Variants in TKTL1 observed in about 807,000 individuals in gnomAD.
The protein encoded by TKTL1 is transketolase like 1, also known as transketolase-like protein 1.
TKTL1 carries 1 observed loss-of-function variant against 39.3 expected under a neutral mutation model. The ratio of observed to expected loss-of-function variants is 0.03; its 90% confidence interval spans 0.01 to 0.12. The LOEUF (loss-of-function observed/expected upper bound fraction) is 0.12. Among genes scored for constraint, TKTL1 ranks in the 10% least tolerant of loss-of-function variants. TKTL1 has a pLI of 1.00. For synonymous variants in TKTL1, 262 were observed against 193.8 expected (o/e 1.35, Z -2.92); for missense variants, 575 against 509.6 (o/e 1.13, Z -1.24).
Position 154,329,778 on chromosome X carries a change from G to C in TKTL1, c.*90G>C. On this transcript the variant is annotated 3_prime_UTR_variant, in exon 13 of 13. Coordinates refer to ENST00000369915, the MANE Select transcript of TKTL1 (RefSeq NM_012253.4). ...ATTTAAATCTCTACTGTCACATTTT[G>C]TTTCTTAAAAGCAAAGCCAGCTAAC... is the stretch of plus-strand genomic sequence containing the variant. 1 of 1,067,061 alleles carries C rather than the reference G, an allele frequency of 9.4e-7. No individual in the cohort carries two copies. Among genetic ancestry groups the C allele is most frequent in the South Asian group, 2.2e-5 (1 of 45,333 alleles). 87.9% of individuals were successfully genotyped at this position (1,067,061 alleles called of 1,213,427 possible).
At chrX:154,316,933 C>A (rs953940427) in intron 7 of TKTL1, among the ~76,000 whole-genome samples, 7 of 110,012 alleles carry the variant, frequency 6.4e-5, no homozygotes, top group Non-Finnish European at 1.1e-4. Context: ...CCATGCCTGG[C>A]TAATTTTTGT....
intron 3 of TKTL1, 42 bp from the exon 4 acceptor site, chrX:154,310,794 T>C (rs1557168153): frequency 8.8e-7 from 1 of 1,132,212 alleles, no homozygotes; most frequent in Non-Finnish European, 1.2e-6. Context: ...TTGGCCCAGA[T>C]GATCCCCCAC....
chrX:154,309,425 G>A lies in TKTL1; in HGVS notation c.333G>A (p.Lys111=), dbSNP rs781963244. 1.7e-6 allele frequency: 2 copies of A among 1,207,795 alleles called. No homozygotes were observed. Among genetic ancestry groups the A allele is most frequent in the Admixed American group, 2.2e-5 (1 of 45,648 alleles). ...GVACGMAYTG[K]YFDRASYRVF... is the part of the protein sequence containing the mutation. ...CATGTGGAATGGCATATACTGGCAA[G>A]TACTTCGACAGGGCCAGGTGAGGTT... The change falls in exon 3 of 13, where the codon AAG becomes AAA. Residue 111 remains lysine (K), a synonymous_variant. Coordinates refer to ENST00000369915, the MANE Select transcript of TKTL1 (RefSeq NM_012253.4).
At chrX:154,304,439 T>C (rs1211385054) in intron 1 of TKTL1, among the ~76,000 whole-genome samples, 14 of 110,178 alleles carry the variant, frequency 1.3e-4, no homozygotes, top group African/African-American at 3.7e-4. Flanking sequence ...TTTGAAGCTT[T>C]TTTTTTATCA....
At chrX:154,307,296 A>G (rs189490725) in intron 2 of TKTL1, among the ~76,000 whole-genome samples, 79 of 111,919 alleles carry the variant, frequency 7.1e-4, no homozygotes, top group African/African-American at 2.3e-3. Flanking sequence ...GAGGCTTTCT[A>G]TCGGGCAGCA....
Position 154,320,904 on chromosome X carries a change from G to C in TKTL1, c.1177G>C (p.Val393Leu), listed in dbSNP as rs372054381. 8.3e-7 allele frequency: 1 copy of C among 1,211,252 alleles called. No homozygotes were observed. The highest frequency in any genetic ancestry group is 1.1e-6 in the Non-Finnish European group (1 of 895,016). ...CAACATTATTGGTTCCCACTGTGGGGTATCTGTTGGTAAGGGTTCTAAATG... is the reference window on the plus strand; with the variant it reads ...CAACATTATTGGTTCCCACTGTGGGCTATCTGTTGGTAAGGGTTCTAAATG... ...NINIIGSHCG[V>L]SVGDDGASQM... Residue 393 changes from valine (V) to leucine (L), a missense_variant, in exon 8 of 13, where the codon GTA becomes CTA. By Grantham distance (32) the Val-to-Leu change is conservative. Transcript: ENST00000369915.
chrX:154,320,761 G>C lies in TKTL1; in HGVS notation c.1034G>C (p.Ser345Thr). Residue 345 changes from serine to threonine, a missense_variant, in exon 8 of 13, where the codon AGC becomes ACC. Transcript: ENST00000369915. ...ECFMAEQNMV[S>T]VALGCASRGR... The stretch of plus-strand genomic sequence containing the variant: ...TTCATGTTCTCTGTGCTGCAGGTGA[G>C]CGTGGCTCTGGGCTGTGCCTCCCGT... 2.5e-6 allele frequency: 3 copies of C among 1,211,508 alleles called. No individual in the cohort carries two copies. The highest frequency in any genetic ancestry group is 1.8e-5 in the South Asian group (1 of 57,005).
intron 1 of TKTL1, 122 bp from the exon 2 acceptor site, chrX:154,305,182 C>T: frequency 8.5e-7 from 1 of 1,178,485 alleles, no homozygotes; most frequent in Non-Finnish European, 1.1e-6. Context: ...ATTCCTTACC[C>T]TTGGTTGGAT....
Position 154,315,221 on chromosome X carries a change from G to A in TKTL1, c.913G>A (p.Ala305Thr), listed in dbSNP as rs1284644224. The A allele has an allele frequency of 6.6e-6, 8 of 1,209,516 alleles. No homozygotes were observed. The South Asian group carries it at 1.1e-4, about 16-fold the overall frequency. The change falls in exon 7 of 13, where the codon GCG becomes ACG. Residue 305 changes from alanine to threonine, a missense_variant. Transcript: ENST00000369915. Reference sequence around the variant, plus strand: ...TCTGGCTCTGGCTAAGCTGGGCTACGCGAACAACAGAGTCGTTGTGCTGGA... The same window carrying A: ...TCTGGCTCTGGCTAAGCTGGGCTACACGAACAACAGAGTCGTTGTGCTGGA... ...CGLALAKLGYANNRVVVLDGD... is the reference protein window; with the variant it reads ...CGLALAKLGYTNNRVVVLDGD...
chrX:154,308,518 C>T (rs781911474), intron 2 of TKTL1, among the ~76,000 whole-genome samples: 4 of 112,003 alleles, frequency 3.6e-5, no homozygotes, highest in African/African-American at 1.3e-4. Context: ...CAGGCTCCCC[C>T]TTGTGGCTAG....
rs1214935929 is a variant in TKTL1, at chrX:154,311,186, G to T, written c.618G>T (p.Lys206Asn). The T allele has an allele frequency of 1.7e-6, 2 of 1,210,503 alleles. No homozygotes were observed. Among genetic ancestry groups the T allele is most frequent in the African/African-American group, 3.5e-5 (2 of 57,325 alleles). ...CQVFWQASQV[K>N]HKPTAVVAKT... ...TATTCTGGCAGGCTTCTCAGGTGAAGCACAAGCCCACTGCTGTGGTGGCCA... is the reference window on the plus strand; with the variant it reads ...TATTCTGGCAGGCTTCTCAGGTGAATCACAAGCCCACTGCTGTGGTGGCCA... The change falls in exon 5 of 13, where the codon AAG (lysine) becomes AAT (asparagine). Residue 206 changes from lysine to asparagine, a missense_variant. Lys to Asn is a moderately conservative substitution (Grantham distance 94, BLOSUM62 0). Coordinates refer to ENST00000369915, the MANE Select transcript of TKTL1 (RefSeq NM_012253.4).
At chrX:154,303,191 T>A in intron 1 of TKTL1, among the ~76,000 whole-genome samples, 1 of 92,258 alleles carries the variant, frequency 1.1e-5, no homozygotes. Context: ...ATTTATTTAT[T>A]TATTTATTTA....
At chrX:154,314,580 C>G (rs1250865019) in intron 6 of TKTL1, among the ~76,000 whole-genome samples, 1 of 110,968 alleles carries the variant, frequency 9.0e-6, no homozygotes, top group Non-Finnish European at 1.9e-5. Context: ...GGCTGGAGTG[C>G]AGTGGTGCAA....
At chrX:154,300,436 A>T (rs149509628) in intron 1 of TKTL1, among the ~76,000 whole-genome samples, 12,135 of 111,850 alleles carry the variant, frequency 0.11, 1,523 homozygotes, top group African/African-American at 0.36. Context: ...GTCATCTGTG[A>T]TGTCTTTCAG....
chrX:154,329,132 C>T (rs116395328), intron 12 of TKTL1, among the ~76,000 whole-genome samples: 6,438 of 112,185 alleles, frequency 0.057, 465 homozygotes, highest in African/African-American at 0.2. Flanking sequence ...GGTGCATGAC[C>T]GCCCTGTCTA....
intron 9 of TKTL1, among the ~76,000 whole-genome samples, chrX:154,324,556 TTAGAG>T (rs1197499632): frequency 1.8e-5 from 2 of 111,826 alleles, no homozygotes; most frequent in Non-Finnish European, 3.8e-5. Context: ...GTGATAGAAA[TTAGAG>T]TAGAGGTTGC....
intron 1 of TKTL1, among the ~76,000 whole-genome samples, chrX:154,301,755 CTTTT>C (rs782331518): frequency 4.4e-5 from 4 of 90,517 alleles, no homozygotes; most frequent in Non-Finnish European, 8.9e-5. Context: ...CATTTTCTTT[CTTTT>C]TTTTTTTTTT....
intron 7 of TKTL1, chrX:154,320,483 G>A (rs183193284): frequency 1.6e-4 from 57 of 359,130 alleles, no homozygotes; most frequent in Non-Finnish European, 2.5e-4. Flanking sequence ...ATGTCCTGTC[G>A]GGGCATGGAC....
At chrX:154,327,143 G>GC (rs2067499081) in intron 10 of TKTL1, 4 of 246,090 alleles carry the variant, frequency 1.6e-5, no homozygotes, top group Non-Finnish European at 3.0e-5. Context: ...TCCCAGCCCT[G>GC]CCCTGGGCCA....
Sources: gnomAD v4.1 joint callset for allele counts (sites outside exome capture counted in the v4.1 genomes callset) on GRCh38, gnomAD v4.1.1 for gene constraint, MANE v1.5 for transcripts, NCBI Gene and HGNC (gene_info 2026-07-23, HGNC 2026-07-21) for gene names.